TTN: variants seen among roughly 807,000 people sequenced by gnomAD.
TTN encodes the protein titin, also known as connectin.
Under a neutral mutation model 3,223.0 loss-of-function variants are expected in TTN, and 1,525 were observed. The observed-to-expected ratio is 0.47, with a 90% CI of 0.45 to 0.49. The LOEUF is 0.49. Ranked by LOEUF, TTN falls within the 20% of genes least tolerant of loss-of-function variation. The pLI is 0.00. For synonymous variants in TTN, 14,094 were observed against 15,161.0 expected, an observed-to-expected ratio of 0.93 and a Z score of 5.17; for missense variants, 40,786 against 43,424.0, an observed-to-expected ratio of 0.94 and a Z score of 5.40.
At position 178,727,108 on chromosome 2, in the gene TTN, T is replaced by A. The variant is rs1465298575; in HGVS notation, c.20257A>T (p.Thr6753Ser). ...QNPAGSTSCS[T>S]KVIVKEPPVF... ...TGTCTACCTTTTACTATAACCTTGG[T>A]ACTGCAGCTTGTGCTGCCAGCGGGA... Residue 6753 changes from threonine (T) to serine (S), a missense_variant, in exon 69 of 363, where the codon ACC (threonine) becomes TCC (serine). Physicochemically the swap from Thr to Ser is moderately conservative, Grantham distance 58. Transcript: ENST00000589042. 5 of 1,587,746 alleles carry A rather than the reference T, an allele frequency of 3.1e-6. No homozygotes were observed. Among genetic ancestry groups the A allele is most frequent in the African/African-American group, 1.3e-5 (1 of 74,328 alleles).
In TTN at chr2:178,557,804, C is replaced by A; in HGVS notation, c.87550G>T (p.Val29184Leu). Residue 29184 changes from valine (V) to leucine (L), a missense_variant, in exon 328 of 363, where the codon GTG (valine) becomes TTG (leucine). Transcript: ENST00000589042. ...ILLKRETSTA[V>L]WTEVSATVAR... ...ACTGTTGCAGACACTTCAGTCCACA[C>A]TGCAGTACTTGTTTCTCTTTTGAGT... The A allele has an allele frequency of 6.2e-7, 1 of 1,613,970 alleles. No homozygotes were observed.
At chr2:178,779,483 C>A (rs368803029) in intron 22 of TTN, 21 bp from the exon 23 acceptor site, 1 of 1,399,286 alleles carries the variant, frequency 7.1e-7, no homozygotes, top group Non-Finnish European at 1.0e-6. Context: ...AGATTATGGT[C>A]TGTTAAAAAT....
At chr2:178,778,121 A>G (rs1266601750) in intron 24 of TTN, 146 bp from the exon 25 acceptor site, 2 of 992,580 alleles carry the variant, frequency 2.0e-6, no homozygotes, top group Non-Finnish European at 3.0e-6. Context: ...ATTCAGATCT[A>G]AAATAGAATA....
At chr2:178,764,918 A>G (rs912426500) in intron 41 of TTN, 107 bp from the exon 42 acceptor site, 2 of 1,337,668 alleles carry the variant, frequency 1.5e-6, no homozygotes, top group African/African-American at 1.5e-5. Flanking sequence ...TCCAGAGACA[A>G]AATTTTGGAA....
intron 336 of TTN, 41 bp downstream of exon 336, chr2:178,550,926 A>C: frequency 6.3e-7 from 1 of 1,579,112 alleles, no homozygotes; most frequent in Non-Finnish European, 8.6e-7. Context: ...TAAAAATGTG[A>C]ATGCTCTTAG....
At chr2:178,557,577 T>C (rs1262942532) in intron 328 of TTN, 22 bp from the exon 329 acceptor site, 2 of 1,613,634 alleles carry the variant, frequency 1.2e-6, no homozygotes, top group Non-Finnish European at 1.7e-6. Context: ...AGAAATCCTA[T>C]AGATTAGTAC....
chr2:178,719,508 A>G (rs2078016814), intron 82 of TTN, 46 bp downstream of exon 82: 4 of 1,587,228 alleles, frequency 2.5e-6, no homozygotes, highest in Non-Finnish European at 3.4e-6. Flanking sequence ...GTGCCCCTCC[A>G]CCCCCTGGAA....
rs1201928772 is a variant in TTN at position 178,536,376 on chromosome 2, A to G, written c.100371T>C (p.Leu33457=). 6.2e-7 allele frequency: 1 copy of G among 1,613,768 alleles called. No individual in the cohort carries two copies. Among genetic ancestry groups the G allele is most frequent in the East Asian group, 2.2e-5 (1 of 44,866 alleles). Residue 33457 remains leucine, a synonymous_variant, in exon 357 of 363, where the codon CTT becomes CTC. Coordinates refer to ENST00000589042, the MANE Select transcript of TTN (RefSeq NM_001267550.2). ...GAAACTCGTATTCAAGACCTTCAAT[A>G]AGGTTTTTCACTGAAAAGACAGTTT... ...IRETVFSVKN[L]IEGLEYEFRV... is the part of the protein sequence containing the mutation.
At position 178,560,875 on chromosome 2, in the gene TTN, G is replaced by A. The variant is rs1703396639; in HGVS notation, c.85257C>T (p.Asp28419=). The change falls in exon 326 of 363, where the codon GAC becomes GAT. Residue 28419 remains aspartate (D), a synonymous_variant. Coordinates refer to ENST00000589042, the MANE Select transcript of TTN (RefSeq NM_001267550.2). Reference sequence around the variant, plus strand: ...ATTGCCCAGTGTCTCGTCTTATACAGTCTTTAACTGTTAACAAAGTATGAT... The same window carrying A: ...ATTGCCCAGTGTCTCGTCTTATACAATCTTTAACTGTTAACAAAGTATGAT... The part of the protein sequence containing the change: ...TDNHTLLTVK[D]CIRRDTGQYV... 1 of 1,613,680 alleles carries A rather than the reference G, an allele frequency of 6.2e-7. No individual in the cohort carries two copies. Among genetic ancestry groups the A allele is most frequent in the Non-Finnish European group, 8.5e-7 (1 of 1,179,798 alleles).
chr2:178,759,191 G>C lies in TTN; in HGVS notation c.10115-19C>G. 1 of 1,613,592 alleles carries C rather than the reference G, an allele frequency of 6.2e-7. No homozygotes were observed. Among genetic ancestry groups the C allele is most frequent in the Non-Finnish European group, 8.5e-7 (1 of 1,179,762 alleles). ...TTTAGATCTGCGACACAAAAGAAAA[G>C]AGATACTTCAACCACAAAAATGAGT... On this transcript the variant is annotated intron_variant, in intron 43 of 362. Coordinates refer to ENST00000589042, the MANE Select transcript of TTN (RefSeq NM_001267550.2).
In TTN at chr2:178,608,860, G is replaced by T. The variant is rs1307047586; in HGVS notation, c.52151C>A (p.Thr17384Asn). 6 of 1,611,774 alleles carry T rather than the reference G, an allele frequency of 3.7e-6. No individual in the cohort carries two copies. The highest frequency in any genetic ancestry group is 5.1e-6 in the Non-Finnish European group (6 of 1,179,172). ...INFVFEDIRK[T>N]SVLCKWEPPL... is the part of the protein sequence containing the mutation. ...TGGTTCCCATTTACAAAGGACTGAGGTCTTTCTGATATCTTCAAATACAAA... is the reference window on the plus strand; with the variant it reads ...TGGTTCCCATTTACAAAGGACTGAGTTCTTTCTGATATCTTCAAATACAAA... The change falls in exon 274 of 363, where the codon ACC (threonine) becomes AAC (asparagine). Residue 17384 changes from threonine (T) to asparagine (N), a missense_variant. Coordinates refer to ENST00000589042, the MANE Select transcript of TTN (RefSeq NM_001267550.2).
chr2:178,558,103 G>A lies in TTN; in HGVS notation c.87251C>T (p.Pro29084Leu). 6.2e-7 allele frequency: 1 copy of A among 1,613,828 alleles called. No homozygotes were observed. The highest frequency in any genetic ancestry group is 8.5e-7 in the Non-Finnish European group (1 of 1,179,818). Reference sequence around the variant, plus strand: ...ATTAAATCTCATGGTTGCCTTAAGGGGGACACCATCTCTTGATAAGGTCAC... The same window carrying A: ...ATTAAATCTCATGGTTGCCTTAAGGAGGACACCATCTCTTGATAAGGTCAC... Reference protein sequence around the residue: ...PKVTLSRDGVPLKATMRFNTE... With the variant: ...PKVTLSRDGVLLKATMRFNTE... Residue 29084 changes from proline to leucine, a missense_variant, in exon 328 of 363, where the codon CCC (proline) becomes CTC (leucine). Physicochemically the swap from Pro to Leu is moderately conservative, Grantham distance 98 (BLOSUM62 -3). Coordinates refer to ENST00000589042, the MANE Select transcript of TTN (RefSeq NM_001267550.2).
rs780409919 is a variant in TTN, at chr2:178,731,676, C to G, written c.17182+17G>C. Reference sequence around the variant, plus strand: ...ACTCTTCAGAAAAGCCAGTCCCTCACTGGAACCAACACTAACCTCTTAAAG... The same window carrying G: ...ACTCTTCAGAAAAGCCAGTCCCTCAGTGGAACCAACACTAACCTCTTAAAG... On this transcript the variant is annotated intron_variant, in intron 58 of 362. Transcript: ENST00000589042. 3 of 1,594,344 alleles carry G rather than the reference C, an allele frequency of 1.9e-6. No individual in the cohort carries two copies. Among genetic ancestry groups the G allele is most frequent in the Admixed American group, 3.4e-5 (2 of 58,446 alleles).
At position 178,528,269 on chromosome 2, in the gene TTN, C is replaced by A. The variant is rs780526209; in HGVS notation, c.107377+5G>T. ...TGTAAGGAAGAAGGGTGAGGAGATA[C>A]TTACGAAGGACCATTAAGGAAGCTG... On this transcript the variant is annotated splice_donor_5th_base_variant and intron_variant, in intron 361 of 362. Transcript: ENST00000589042. 1 of 1,613,270 alleles carries A rather than the reference C, an allele frequency of 6.2e-7. No individual in the cohort carries two copies. The highest frequency in any genetic ancestry group is 8.5e-7 in the Non-Finnish European group (1 of 1,179,538).
chr2:178,575,868 C>T lies in TTN; in HGVS notation c.70264G>A (p.Gly23422Arg), dbSNP rs780170483. 6.2e-7 allele frequency: 1 copy of T among 1,613,430 alleles called. No individual in the cohort carries two copies. Among genetic ancestry groups the T allele is most frequent in the Admixed American group, 1.7e-5 (1 of 59,974 alleles). ...KFVMTIENPA[G>R]KKSGFVNVRV... Reference sequence around the variant, plus strand: ...ACGTTCACAAAGCCACTTTTCTTCCCAGCCGGGTTTTCAATGGTCATGACA... The same window carrying T: ...ACGTTCACAAAGCCACTTTTCTTCCTAGCCGGGTTTTCAATGGTCATGACA... Residue 23422 changes from glycine (G) to arginine (R), a missense_variant, in exon 326 of 363, where the codon GGG (glycine) becomes AGG (arginine). Gly to Arg is a moderately radical substitution (Grantham distance 125). Coordinates refer to ENST00000589042, the MANE Select transcript of TTN (RefSeq NM_001267550.2). This position sits in a 1 kb window ranked among gnomAD's most constrained non-coding sequence, Gnocchi z 4.0.
chr2:178,620,591 A>G lies in TTN; in HGVS notation c.45930T>C (p.Asp15310=). Residue 15310 remains aspartate (D), a synonymous_variant, in exon 248 of 363, where the codon GAT becomes GAC. Transcript: ENST00000589042. ...EDLRIVEPLK[D]IETMEKKSVT... ...CAGATTTCTTCTCCATTGTTTCAATATCTTTAAGAGGCTCAACAATCCTAA... is the reference window on the plus strand; with the variant it reads ...CAGATTTCTTCTCCATTGTTTCAATGTCTTTAAGAGGCTCAACAATCCTAA... The G allele has an allele frequency of 6.2e-7, 1 of 1,611,008 alleles. No individual in the cohort carries two copies. The highest frequency in any genetic ancestry group is 8.5e-7 in the Non-Finnish European group (1 of 1,178,400).
Position 178,722,320 on chromosome 2 carries a change from G to A in TTN, c.22467C>T (p.Tyr7489=). Residue 7489 remains tyrosine (Y), a synonymous_variant, in exon 77 of 363, where the codon TAC becomes TAT. Transcript: ENST00000589042. ...CAAGTGGGTTGGAAGCTGAGCAAGA[G>A]TACTGGCCAGAGTGACTCAAGTCAG... ...LQTDLSHSGQ[Y]SCSASNPLGT... 1 of 1,612,738 alleles carries A rather than the reference G, an allele frequency of 6.2e-7. No individual in the cohort carries two copies. Among genetic ancestry groups the A allele is most frequent in the Non-Finnish European group, 8.5e-7 (1 of 1,179,212 alleles).
chr2:178,716,167 T>A (rs1357852636), intron 88 of TTN, among the ~76,000 whole-genome samples: 1 of 152,106 alleles, frequency 6.6e-6, no homozygotes, highest in African/African-American at 2.4e-5. Context: ...GGAGAACTAT[T>A]TCCTAAGGCT....
In TTN at chr2:178,719,242, A is replaced by G. The variant is rs2077970288; in HGVS notation, c.24148T>C (p.Ser8050Pro). The G allele has an allele frequency of 3.1e-6, 5 of 1,613,760 alleles. No homozygotes were observed. Among genetic ancestry groups the G allele is most frequent in the Non-Finnish European group, 2.5e-6 (3 of 1,179,734 alleles). The change falls in exon 83 of 363, where the codon TCC becomes CCC. Residue 8050 changes from serine (S) to proline (P), a missense_variant. Ser to Pro is a moderately conservative substitution (Grantham distance 74). Transcript: ENST00000589042. ...CTLNLSLLEP[S>P]DTGIYTCVAA... ...ACACACGTGTATATGCCTGTGTCGGAGGGCTCCAACAAGCTCAGATTCAAA... is the reference window on the plus strand; with the variant it reads ...ACACACGTGTATATGCCTGTGTCGGGGGGCTCCAACAAGCTCAGATTCAAA...
Sources: gnomAD v4.1 joint callset for allele counts (sites outside exome capture counted in the v4.1 genomes callset) on GRCh38, gnomAD v4.1.1 for gene constraint, Gnocchi (gnomAD v3.1) non-coding constraint, MANE v1.5 for transcripts, NCBI Gene and HGNC (gene_info 2026-07-23, HGNC 2026-07-21) for gene names.